The following BNIP3L variants were observed in gnomAD, a reference collection of about 807,000 sequenced individuals.
BNIP3L encodes BCL2/adenovirus E1B 19 kDa protein-interacting protein 3-like.
Under a neutral mutation model 25.5 loss-of-function variants are expected in BNIP3L, and 10 were observed. The ratio of observed to expected loss-of-function variants is 0.39; its 90% confidence interval spans 0.24 to 0.67. The LOEUF (loss-of-function observed/expected upper bound fraction) is 0.67. BNIP3L is among the 30% of genes least tolerant of loss of function. BNIP3L has a pLI of 0.45. For missense variants in BNIP3L, 215 were observed against 270.9 expected (o/e 0.79, Z 1.45); for synonymous variants, 113 against 101.2 (o/e 1.12, Z -0.70).
chr8:26,393,621 C>G (rs1398049389), intron 2 of BNIP3L, among the ~76,000 whole-genome samples: 1 of 151,882 alleles, frequency 6.6e-6, no homozygotes, highest in African/African-American at 2.4e-5. Context: ...CATATAGAAG[C>G]AGAGCAATGC....
At chr8:26,384,891 T>A (rs1356534997) in intron 1 of BNIP3L, among the ~76,000 whole-genome samples, 1 of 151,998 alleles carries the variant, frequency 6.6e-6, no homozygotes, top group East Asian at 1.9e-4. Context: ...GAGACGAAGT[T>A]TCGCCATGTA....
intron 3 of BNIP3L, chr8:26,396,109 G>C (rs1806235531): frequency 6.8e-6 from 1 of 146,196 alleles, no homozygotes; most frequent in South Asian, 2.2e-4. Context: ...GCTCGAACTG[G>C]GTGGAGCCCA....
intron 3 of BNIP3L, among the ~76,000 whole-genome samples, chr8:26,406,868 G>A (rs1318988097): frequency 6.7e-6 from 1 of 150,088 alleles, no homozygotes; most frequent in Non-Finnish European, 1.5e-5. Flanking sequence ...GCCCCTTTAA[G>A]TGCTCAATAA....
chr8:26,392,530 C>T (rs990510151), intron 2 of BNIP3L, among the ~76,000 whole-genome samples: 3 of 152,232 alleles, frequency 2.0e-5, no homozygotes, highest in East Asian at 1.9e-4. Context: ...GCCAAGGCAG[C>T]GGGGGACTGG....
At chr8:26,409,437 C>A (rs572030303) in intron 5 of BNIP3L, among the ~76,000 whole-genome samples, 10 of 152,250 alleles carry the variant, frequency 6.6e-5, no homozygotes, top group African/African-American at 2.4e-4. Flanking sequence ...TTCTTAGTCA[C>A]GACCTCAGAA....
At position 26,383,322 on chromosome 8, in the gene BNIP3L, A is replaced by G. The variant is rs1045770449; in HGVS notation, c.100+92A>G. The G allele has an allele frequency of 2.0e-5, 31 of 1,521,904 alleles. No individual in the cohort carries two copies. The African/African-American group carries it at 2.8e-4, about 14-fold the overall frequency. The allele number at this position is 1,521,904 out of a possible 1,614,324, so 94.3% of individuals were successfully genotyped here. A position where few individuals can be genotyped will look rare whatever the true frequency, so the allele number is the denominator to read the frequency against. On this transcript the variant is annotated intron_variant, in intron 1 of 5. Coordinates refer to ENST00000380629, the MANE Select transcript of BNIP3L (RefSeq NM_004331.3). ...GGCGCGGCGCGGGAGGCGGGAGGAG[A>G]AGGCAGCTCATTGGCTCAGGCATGG...
chr8:26,390,540 GAGA>G (rs1315380672), intron 1 of BNIP3L: 5 of 985,186 alleles, frequency 5.1e-6, no homozygotes, highest in Middle Eastern at 5.2e-4. Context: ...TATAAAAAAG[GAGA>G]AGGACTAGAA....
chr8:26,390,840 G>A lies in BNIP3L; in HGVS notation c.101-403G>A, dbSNP rs548048841. ...TTTCTGGAGCAGATACAGCTGAGCA[G>A]CTTAGGTAGACTATGAAGAAAGTGT... On this transcript the variant is annotated intron_variant, in intron 1 of 5. Coordinates refer to ENST00000380629, the MANE Select transcript of BNIP3L (RefSeq NM_004331.3). 1.4e-4 allele frequency among the ~76,000 whole-genome samples: 22 copies of A among 152,234 alleles called. 1 individual carries two copies. The South Asian group carries it at 4.6e-3, about 32-fold the overall frequency.
chr8:26,410,258 G>GA (rs1806592297), intron 5 of BNIP3L, 106 bp from the exon 6 acceptor site: 1 of 1,320,744 alleles, frequency 7.6e-7, no homozygotes, highest in Admixed American at 1.9e-5. Context: ...CAAACCTTTA[G>GA]AGCCTTTTAC....
At chr8:26,410,269 A>G in intron 5 of BNIP3L, 95 bp from the exon 6 acceptor site, 1 of 1,425,932 alleles carries the variant, frequency 7.0e-7, no homozygotes. Flanking sequence ...AGCCTTTTAC[A>G]AAGACTGAAG....
In BNIP3L at chr8:26,391,297, G is replaced by A. The variant is rs1806105160; in HGVS notation, c.155G>A (p.Gly52Glu). ...NSSNGNDNGN[G>E]KNGGLEHVPS... ...AGCAATGGCAATGATAATGGCAATG[G>A]GAAAAATGGGGGGCTGGAACACGTA... Residue 52 changes from glycine to glutamate, a missense_variant, in exon 2 of 6, where the codon GGG (glycine) becomes GAG (glutamate). By Grantham distance (98) the Gly-to-Glu change is moderately conservative (BLOSUM62 -2). Coordinates refer to ENST00000380629, the MANE Select transcript of BNIP3L (RefSeq NM_004331.3). 6.2e-7 allele frequency: 1 copy of A among 1,612,084 alleles called. No individual in the cohort carries two copies. The highest frequency in any genetic ancestry group is 1.1e-5 in the South Asian group (1 of 90,600).
At chr8:26,383,266 G>T in intron 1 of BNIP3L, 36 bp downstream of exon 1, 5 of 1,584,828 alleles carry the variant, frequency 3.2e-6, no homozygotes, top group Non-Finnish European at 4.3e-6. Context: ...AAGGGGATGG[G>T]GGAGGAGGAG....
chr8:26,394,611 A>T (rs1283098726), intron 2 of BNIP3L, among the ~76,000 whole-genome samples: 1 of 152,236 alleles, frequency 6.6e-6, no homozygotes, highest in Admixed American at 6.5e-5. Flanking sequence ...ACACATTTAC[A>T]AATCTCTAAT....
chr8:26,391,727 G>A (rs1352722874), intron 2 of BNIP3L, among the ~76,000 whole-genome samples: 1 of 152,128 alleles, frequency 6.6e-6, no homozygotes, highest in East Asian at 1.9e-4. Flanking sequence ...GAATTAATCT[G>A]ACTTTCCCCC....
intron 2 of BNIP3L, among the ~76,000 whole-genome samples, chr8:26,394,430 A>G (rs1806184623): frequency 6.6e-6 from 1 of 152,194 alleles, no homozygotes; most frequent in Admixed American, 6.5e-5. Context: ...AGGGACCCCA[A>G]AAAACTTGTT....
chr8:26,389,749 C>T (rs775749913), intron 1 of BNIP3L, among the ~76,000 whole-genome samples: 2 of 152,214 alleles, frequency 1.3e-5, no homozygotes, highest in Admixed American at 1.3e-4. Flanking sequence ...GCTCAGGTCA[C>T]ACAGGTAGAC....
intron 3 of BNIP3L, among the ~76,000 whole-genome samples, chr8:26,405,038 A>G (rs887412331): frequency 2.0e-5 from 3 of 152,292 alleles, no homozygotes; most frequent in Admixed American, 1.3e-4. Context: ...AAGTTGGGAA[A>G]CTTATGGAGT....
intron 3 of BNIP3L, among the ~76,000 whole-genome samples, chr8:26,401,800 A>G (rs904048334): frequency 2.0e-5 from 3 of 152,170 alleles, no homozygotes; most frequent in African/African-American, 7.2e-5. Context: ...ACATAGATGG[A>G]TATAGTATTA....
intron 3 of BNIP3L, among the ~76,000 whole-genome samples, chr8:26,406,601 C>T (rs1806504769): frequency 6.6e-6 from 1 of 152,150 alleles, no homozygotes; most frequent in Admixed American, 6.5e-5. Flanking sequence ...AGGGAAGATC[C>T]CTTGAGCCCG....
Sources: allele counts gnomAD v4.1 joint callset (sites outside exome capture counted in the v4.1 genomes callset), GRCh38; gene constraint gnomAD v4.1.1; transcripts MANE v1.5; gene names NCBI Gene and HGNC (gene_info 2026-07-23, HGNC 2026-07-21).